The following HTR2C variants were observed in gnomAD, a reference collection of about 807,000 sequenced individuals.
HTR2C encodes 5-hydroxytryptamine receptor 2C.
A neutral mutation model predicts 21.0 loss-of-function variants in HTR2C; 5 were observed. The ratio of observed to expected loss-of-function variants is 0.24; its 90% CI spans 0.12 to 0.50. HTR2C has a LOEUF of 0.50. Among genes scored for constraint, HTR2C ranks in the 20% least tolerant of loss-of-function variants. The pLI is 0.98. For synonymous variants in HTR2C, 150 were observed against 145.3 expected (o/e 1.03, Z -0.23); for missense variants, 271 against 371.2 (o/e 0.73, Z 2.22).
At chrX:114,604,902 G>C (rs1259336503) in intron 1 of HTR2C, among the ~76,000 whole-genome samples, 11 of 111,319 alleles carry the variant, frequency 9.9e-5, no homozygotes, top group Admixed American at 9.6e-5. Context: ...TTCTATTATT[G>C]TACACCTTGA....
intron 4 of HTR2C, among the ~76,000 whole-genome samples, chrX:114,737,209 CTT>C (rs200910874): frequency 1.2e-5 from 1 of 83,700 alleles, no homozygotes. Context: ...AAACTCCTGG[CTT>C]TTTTTTTCTT....
chrX:114,699,063 T>C (rs1187625154), intron 2 of HTR2C, among the ~76,000 whole-genome samples: 2 of 111,889 alleles, frequency 1.8e-5, no homozygotes, highest in Non-Finnish European at 3.8e-5. Flanking sequence ...TCTGCCCCAG[T>C]CACAATTCTT....
intron 1 of HTR2C, among the ~76,000 whole-genome samples, chrX:114,589,152 T>C (rs782008027): frequency 1.8e-5 from 2 of 112,413 alleles, no homozygotes; most frequent in African/African-American, 6.4e-5. Context: ...CAGAACAAAT[T>C]TGCATGTAAA....
intron 1 of HTR2C, among the ~76,000 whole-genome samples, chrX:114,600,014 C>T (rs1018296797): frequency 9.0e-6 from 1 of 111,118 alleles, no homozygotes; most frequent in Admixed American, 9.6e-5. Context: ...AAAGAAATCA[C>T]GGACACTTCT....
chrX:114,748,958 A>C (rs1236354237), intron 4 of HTR2C, among the ~76,000 whole-genome samples: 1 of 111,909 alleles, frequency 8.9e-6, no homozygotes, highest in Non-Finnish European at 1.9e-5. Flanking sequence ...CAGATTGATA[A>C]AGAATATTCA....
rs782133572 is a variant in HTR2C, at chrX:114,736,285, G to A, written c.349+4678G>A. On this transcript the variant is annotated intron_variant, in intron 4 of 5. Transcript: ENST00000276198. Reference sequence around the variant, plus strand: ...ATTAGGCATATGAAGAAAGACCCAAGTATATTCCATATACAAAAGTAACCC... The same window carrying A: ...ATTAGGCATATGAAGAAAGACCCAAATATATTCCATATACAAAAGTAACCC... 8.1e-5 allele frequency among the ~76,000 whole-genome samples: 9 copies of A among 110,677 alleles called. No individual in the cohort carries two copies. In the East Asian group the frequency reaches 1.4e-3, roughly 18 times the overall value.
rs1256541207 is a variant in HTR2C at position 114,867,459 on chromosome X, T to C, written c.550+19256T>C. Among the ~76,000 whole-genome samples the C allele has an allele frequency of 4.5e-5, 5 of 111,185 alleles. No homozygotes were observed. The Admixed American group carries it at 4.8e-4, about 11-fold the overall frequency. The stretch of plus-strand genomic sequence containing the variant: ...TATTTTCTCCCATTCTGTGGGTTGT[T>C]TCTTCACTTTGTTGATTGTACCCTT... On this transcript the variant is annotated intron_variant, in intron 5 of 5. Coordinates refer to ENST00000276198, the MANE Select transcript of HTR2C (RefSeq NM_000868.4).
chrX:114,726,664 C>A (rs145185737), intron 2 of HTR2C, among the ~76,000 whole-genome samples, 194 bp from the exon 3 acceptor site: 1 of 112,110 alleles, frequency 8.9e-6, no homozygotes, highest in African/African-American at 3.2e-5. Flanking sequence ...TTAAAAACTG[C>A]GATGATAAAT....
intron 2 of HTR2C, among the ~76,000 whole-genome samples, chrX:114,724,998 A>T (rs1268867276): frequency 9.1e-6 from 1 of 110,082 alleles, no homozygotes; most frequent in Non-Finnish European, 1.9e-5. Context: ...TGTGTCTTAG[A>T]GTTGCTCTTC....
At chrX:114,720,196 C>G (rs1173620545) in intron 2 of HTR2C, among the ~76,000 whole-genome samples, 1 of 110,912 alleles carries the variant, frequency 9.0e-6, no homozygotes, top group Non-Finnish European at 1.9e-5. Flanking sequence ...ATAGCTCTCT[C>G]TCTCTCACAC....
intron 4 of HTR2C, among the ~76,000 whole-genome samples, chrX:114,828,708 A>G (rs1248399630): frequency 3.6e-5 from 4 of 111,818 alleles, no homozygotes; most frequent in Non-Finnish European, 7.5e-5. Flanking sequence ...AAAATTCCAT[A>G]TCCATTAAGT....
intron 4 of HTR2C, among the ~76,000 whole-genome samples, chrX:114,824,132 A>G (rs2035938983): frequency 8.9e-6 from 1 of 111,866 alleles, no homozygotes; most frequent in African/African-American, 3.2e-5. Flanking sequence ...ATCAAGTTAC[A>G]AGGAAGTAGG....
At chrX:114,757,643 A>C (rs1380369518) in intron 4 of HTR2C, among the ~76,000 whole-genome samples, 1 of 111,823 alleles carries the variant, frequency 8.9e-6, no homozygotes, top group Non-Finnish European at 1.9e-5. Context: ...AAAATCTCTG[A>C]AGGTTTGTAT....
chrX:114,814,901 A>C (rs913163127), intron 4 of HTR2C, among the ~76,000 whole-genome samples: 93 of 102,134 alleles, frequency 9.1e-4, no homozygotes, highest in Middle Eastern at 0.01. Flanking sequence ...TTATAATATT[A>C]TATAGTATAT....
At chrX:114,595,620 T>C (rs1464071442) in intron 1 of HTR2C, among the ~76,000 whole-genome samples, 1 of 110,758 alleles carries the variant, frequency 9.0e-6, no homozygotes, top group Non-Finnish European at 1.9e-5. Context: ...ATGATACAAT[T>C]AGGAAGTTAT....
intron 5 of HTR2C, among the ~76,000 whole-genome samples, chrX:114,904,266 A>G (rs1037019350): frequency 1.8e-5 from 2 of 111,695 alleles, no homozygotes; most frequent in Non-Finnish European, 3.8e-5. Context: ...AAGATTACAA[A>G]GGTAGAATTA....
At chrX:114,886,280 T>C (rs185299509) in intron 5 of HTR2C, among the ~76,000 whole-genome samples, 1 of 111,064 alleles carries the variant, frequency 9.0e-6, no homozygotes, top group Non-Finnish European at 1.9e-5. Context: ...ATTAGTTGGA[T>C]CATGATTTTA....
At chrX:114,745,133 T>C (rs2069689951) in intron 4 of HTR2C, among the ~76,000 whole-genome samples, 1 of 112,231 alleles carries the variant, frequency 8.9e-6, no homozygotes, top group African/African-American at 3.2e-5. Flanking sequence ...GAAAAAAGTC[T>C]AATAATCCAA....
chrX:114,635,753 T>C (rs1369232565), intron 2 of HTR2C, among the ~76,000 whole-genome samples: 1 of 111,796 alleles, frequency 8.9e-6, no homozygotes, highest in African/African-American at 3.2e-5. Context: ...CCTCCAATGA[T>C]ATTGTTGTAG....
Sources: allele counts gnomAD v4.1 joint callset (sites outside exome capture counted in the v4.1 genomes callset), GRCh38; gene constraint gnomAD v4.1.1; transcripts MANE v1.5; gene names NCBI Gene and HGNC (gene_info 2026-07-23, HGNC 2026-07-21).